The following RANBP2 variants were observed in gnomAD, a reference collection of about 807,000 sequenced individuals.
The protein encoded by RANBP2 is RAN binding protein 2.
In RANBP2, 57 loss-of-function variants were observed where a neutral mutation model predicts 303.6. That is an observed-to-expected ratio of 0.19 (90% CI 0.15 to 0.23). The LOEUF is 0.23. Among genes scored for constraint, RANBP2 ranks in the 10% least tolerant of loss-of-function variants. The probability of loss-of-function intolerance (pLI) is 1.00; values close to 1 mark genes in which losing one functional copy is unlikely to be tolerated. For synonymous variants in RANBP2, 1,167 were observed against 1,301.5 expected (o/e 0.90, Z 2.23); for missense variants, 3,138 against 3,780.8 (o/e 0.83, Z 4.46).
chr2:109,431,103 G>T, the RANBP2 span, among the ~76,000 whole-genome samples: 1 of 152,126 alleles, frequency 6.6e-6, no homozygotes, highest in African/African-American at 2.4e-5. Flanking sequence ...TTGAGCCCTC[G>T]TGAGCTGCAT....
the RANBP2 span, among the ~76,000 whole-genome samples, chr2:109,221,504 C>T: frequency 1.7e-4 from 25 of 151,506 alleles, no homozygotes; most frequent in African/African-American, 5.6e-4. Context: ...ATTGCTTGAA[C>T]CTGGGAGGCA....
rs1391807148 is a variant in RANBP2, at chr2:108,735,623, A to G, written c.497A>G (p.His166Arg). The G allele has an allele frequency of 3.1e-6, 5 of 1,597,508 alleles. No individual in the cohort carries two copies. Among genetic ancestry groups the G allele is most frequent in the Non-Finnish European group, 4.2e-6 (5 of 1,179,800 alleles). ...SELYVRPDDV[H>R]VNIRLVEVYR... is the part of the protein sequence containing the mutation. ...CTTTATGTAAGACCTGATGACGTCC[A>G]TGTGAACATCCGGCTAGTGGAGGTG... Residue 166 changes from histidine (H) to arginine (R), a missense_variant, in exon 5 of 29, where the codon CAT (histidine) becomes CGT (arginine). Physicochemically the swap from His to Arg is conservative, Grantham distance 29. This residue lies in a region of RANBP2 where 306 missense variants were observed against 381.9 expected (regional missense o/e 0.80). Transcript: ENST00000283195.
At chr2:109,151,487 C>T in the RANBP2 span, among the ~76,000 whole-genome samples, 2 of 152,184 alleles carry the variant, frequency 1.3e-5, no homozygotes, top group African/African-American at 2.4e-5. Flanking sequence ...TTTCTGGTAG[C>T]CACGTCACAA....
chr2:108,827,422 A>G, the RANBP2 span, among the ~76,000 whole-genome samples: 1 of 152,252 alleles, frequency 6.6e-6, no homozygotes, highest in Non-Finnish European at 1.5e-5. Flanking sequence ...ATTTAATGAT[A>G]TGAAAACTTA....
At chr2:109,251,926 A>G in the RANBP2 span, among the ~76,000 whole-genome samples, 1 of 152,142 alleles carries the variant, frequency 6.6e-6, no homozygotes. Context: ...TTAAATCGGC[A>G]AAAGTACCCC....
the RANBP2 span, among the ~76,000 whole-genome samples, chr2:109,163,765 G>C: frequency 6.6e-6 from 1 of 152,284 alleles, no homozygotes; most frequent in South Asian, 2.1e-4. Context: ...CATCCTGTGT[G>C]CAGTCGGCAG....
chr2:109,132,041 C>T, the RANBP2 span, among the ~76,000 whole-genome samples: 10 of 152,152 alleles, frequency 6.6e-5, no homozygotes, highest in African/African-American at 1.9e-4. Context: ...ACAAAGATTT[C>T]GGCTGAAAAT....
At chr2:108,848,769 ATAAT>A in the RANBP2 span, among the ~76,000 whole-genome samples, 9 of 152,206 alleles carry the variant, frequency 5.9e-5, no homozygotes, top group African/African-American at 9.6e-5. Context: ...AAAATGAGTA[ATAAT>A]TTATTTAATA....
chr2:109,030,543 A>T, the RANBP2 span, among the ~76,000 whole-genome samples: 1 of 152,184 alleles, frequency 6.6e-6, no homozygotes, highest in Non-Finnish European at 1.5e-5. Flanking sequence ...TCACTGTCTG[A>T]TGGGATGAGG....
the RANBP2 span, among the ~76,000 whole-genome samples, chr2:109,191,138 A>G: frequency 6.6e-6 from 1 of 152,142 alleles, no homozygotes; most frequent in Non-Finnish European, 1.5e-5. Context: ...ACAGATTGCC[A>G]ATGAGAGTAG....
At chr2:108,924,662 A>C in the RANBP2 span, among the ~76,000 whole-genome samples, 1 of 152,158 alleles carries the variant, frequency 6.6e-6, no homozygotes, top group Non-Finnish European at 1.5e-5. Flanking sequence ...GTTACCAGTA[A>C]TGTTAGGACC....
the RANBP2 span, among the ~76,000 whole-genome samples, chr2:109,138,203 A>C: frequency 6.6e-6 from 1 of 152,062 alleles, no homozygotes; most frequent in Non-Finnish European, 1.5e-5. Context: ...ATTTTTTAAT[A>C]TTTTTAGTAG....
the RANBP2 span, among the ~76,000 whole-genome samples, chr2:109,318,369 G>T: frequency 1.3e-5 from 2 of 152,118 alleles, no homozygotes; most frequent in African/African-American, 4.8e-5. Context: ...CCCACTCGCT[G>T]CACAGACCTG....
At chr2:109,325,163 T>A in the RANBP2 span, among the ~76,000 whole-genome samples, 1 of 152,064 alleles carries the variant, frequency 6.6e-6, no homozygotes, top group African/African-American at 2.4e-5. Flanking sequence ...CGGAAACAAC[T>A]CACTGGTCTT....
chr2:108,731,814 A>C (rs1695187796), intron 4 of RANBP2: 1 of 237,564 alleles, frequency 4.2e-6, no homozygotes, highest in Non-Finnish European at 8.3e-6. Flanking sequence ...ACAGGATGAC[A>C]ATTTAGGGAT....
the RANBP2 span, among the ~76,000 whole-genome samples, chr2:109,409,337 G>T: frequency 1.3e-5 from 2 of 152,200 alleles, no homozygotes; most frequent in Non-Finnish European, 2.9e-5. Context: ...TCTAGACTTT[G>T]CAGCCAGGTA....
the RANBP2 span, among the ~76,000 whole-genome samples, chr2:109,707,126 A>G: frequency 2.6e-5 from 4 of 152,230 alleles, no homozygotes; most frequent in Non-Finnish European, 5.9e-5. Flanking sequence ...TGATAAAATA[A>G]TTCACAATTT....
At chr2:108,762,798 C>CAT (rs1676821332) in intron 19 of RANBP2, among the ~76,000 whole-genome samples, 2 of 151,182 alleles carry the variant, frequency 1.3e-5, no homozygotes, top group African/African-American at 2.4e-5. Context: ...ATAAATGTTA[C>CAT]CATCATCATC....
At chr2:109,224,417 A>T in the RANBP2 span, among the ~76,000 whole-genome samples, 3 of 152,176 alleles carry the variant, frequency 2.0e-5, no homozygotes, top group Non-Finnish European at 4.4e-5. Flanking sequence ...TCTGATGTAA[A>T]AGGGACTTGA....
Sources: gnomAD v4.1 joint callset for allele counts (sites outside exome capture counted in the v4.1 genomes callset) on GRCh38, gnomAD v4.1.1 for gene constraint, gnomAD v4.1.1 regional missense constraint, MANE v1.5 for transcripts, NCBI Gene and HGNC (gene_info 2026-07-23, HGNC 2026-07-21) for gene names.